The following FERMT2 variants were observed in gnomAD, a reference collection of about 807,000 sequenced individuals.
The protein encoded by FERMT2 is fermitin family homolog 2.
Under a neutral mutation model 82.7 loss-of-function variants are expected in FERMT2, and 15 were observed. The ratio of observed to expected loss-of-function variants is 0.18; its 90% CI spans 0.12 to 0.28. The LOEUF (loss-of-function observed/expected upper bound fraction) is 0.28, where lower values mean the gene tolerates loss of function less well. Among genes scored for constraint, FERMT2 ranks in the 10% least tolerant of loss-of-function variants. The pLI is 1.00. For synonymous variants in FERMT2, 274 were observed against 271.5 expected, an observed-to-expected ratio of 1.01 and a Z score of -0.09; for missense variants, 645 against 809.4, an observed-to-expected ratio of 0.80 and a Z score of 2.46.
intron 3 of FERMT2, among the ~76,000 whole-genome samples, chr14:52,912,218 C>T (rs965077990): frequency 2.0e-5 from 3 of 152,166 alleles, no homozygotes; most frequent in Non-Finnish European, 2.9e-5. Context: ...CATGTAAACA[C>T]GACTAGTCTA....
At chr14:52,922,952 A>G (rs1462355324) in intron 2 of FERMT2, among the ~76,000 whole-genome samples, 1 of 152,356 alleles carries the variant, frequency 6.6e-6, no homozygotes, top group East Asian at 1.9e-4. Flanking sequence ...AAACCTAGAC[A>G]GTATAGCCTA....
At chr14:52,901,300 A>AAG (rs1482817559) in intron 3 of FERMT2, among the ~76,000 whole-genome samples, 3 of 148,974 alleles carry the variant, frequency 2.0e-5, no homozygotes, top group East Asian at 3.9e-4. Context: ...AAAAAAAAAA[A>AAG]GCCCCAGCAT....
intron 3 of FERMT2, among the ~76,000 whole-genome samples, chr14:52,901,105 CAAAAA>C (rs71125146): frequency 5.8e-5 from 4 of 68,616 alleles, no homozygotes; most frequent in African/African-American, 2.0e-4. Flanking sequence ...ACTAAAAATA[CAAAAA>C]AAAAAAAAAA....
At chr14:52,908,660 G>T (rs755992592) in intron 3 of FERMT2, among the ~76,000 whole-genome samples, 5 of 152,288 alleles carry the variant, frequency 3.3e-5, no homozygotes, top group Non-Finnish European at 7.3e-5. Flanking sequence ...GGGTAAAGAG[G>T]ACTGCCAGCA....
intron 12 of FERMT2, 62 bp from the exon 13 acceptor site, chr14:52,860,527 CAA>C (rs1166428943): frequency 7.0e-7 from 1 of 1,434,404 alleles, no homozygotes; most frequent in Non-Finnish European, 9.5e-7. Context: ...AGAACTGAGA[CAA>C]AAGATCAAAA....
intron 2 of FERMT2, among the ~76,000 whole-genome samples, chr14:52,946,727 G>T (rs965041698): frequency 6.6e-6 from 1 of 151,734 alleles, no homozygotes; most frequent in African/African-American, 2.4e-5. Flanking sequence ...CGCTTAGGCT[G>T]GGTGGTGTGA....
Position 52,881,018 on chromosome 14 carries a change from C to A in FERMT2, c.855+18G>T. On this transcript the variant is annotated intron_variant, in intron 6 of 14. Transcript: ENST00000341590. ...AATTAATGGGGAAAAAAAAAAGATC[C>A]CTTTAAACCCTCGGTACCTTTGGAT... 6.6e-7 allele frequency: 1 copy of A among 1,511,586 alleles called. No homozygotes were observed. Among genetic ancestry groups the A allele is most frequent in the East Asian group, 2.3e-5 (1 of 44,390 alleles). The allele number at this position is 1,511,586 out of a possible 1,614,324, so 93.6% of individuals were successfully genotyped here. A position where few individuals can be genotyped will look rare whatever the true frequency, so the allele number is the denominator to read the frequency against.
chr14:52,914,213 T>C (rs971625418), intron 3 of FERMT2, among the ~76,000 whole-genome samples: 10 of 150,198 alleles, frequency 6.7e-5, no homozygotes, highest in Non-Finnish European at 1.3e-4. Context: ...AAAAAAAATA[T>C]ATAAAAATTA....
intron 3 of FERMT2, among the ~76,000 whole-genome samples, chr14:52,906,329 G>A (rs1469886608): frequency 6.6e-6 from 1 of 152,238 alleles, no homozygotes; most frequent in Non-Finnish European, 1.5e-5. Context: ...GAAAGACAGA[G>A]TACTGAGAAG....
chr14:52,896,907 G>C (rs1887288553), intron 3 of FERMT2, among the ~76,000 whole-genome samples: 1 of 151,754 alleles, frequency 6.6e-6, no homozygotes, highest in South Asian at 2.1e-4. Flanking sequence ...GAGGTGGGAA[G>C]ACTGCCTGAG....
At chr14:52,894,104 G>C (rs772524627) in intron 3 of FERMT2, among the ~76,000 whole-genome samples, 1 of 152,146 alleles carries the variant, frequency 6.6e-6, no homozygotes, top group African/African-American at 2.4e-5. Flanking sequence ...TGGGATTACC[G>C]GCGTGAGCCA....
chr14:52,942,899 T>A lies in FERMT2; in HGVS notation c.157+7513A>T, dbSNP rs150007367. Among the ~76,000 whole-genome samples the A allele has an allele frequency of 4.3e-3, 660 of 152,208 alleles. 3 individuals carry two copies. Among genetic ancestry groups the A allele is most frequent in the African/African-American group, 0.015 (633 of 41,502 alleles). Reference sequence around the variant, plus strand: ...TAAACTAAATTTTAAAAATAAAGTATGTGAAAAAGAACCTATAAAAATATC... The same window carrying A: ...TAAACTAAATTTTAAAAATAAAGTAAGTGAAAAAGAACCTATAAAAATATC... On this transcript the variant is annotated intron_variant, in intron 2 of 14. Transcript: ENST00000341590.
chr14:52,881,066 C>T lies in FERMT2; in HGVS notation c.825G>A (p.Lys275=), dbSNP rs775282056. 45 of 1,612,690 alleles carry T rather than the reference C, an allele frequency of 2.8e-5. 1 individual carries two copies. The highest frequency in any genetic ancestry group is 1.3e-4 in the Admixed American group (8 of 59,930). Residue 275 remains lysine (K), a synonymous_variant, in exon 6 of 15, where the codon AAG becomes AAA. Coordinates refer to ENST00000341590, the MANE Select transcript of FERMT2 (RefSeq NM_006832.3). The stretch of plus-strand genomic sequence containing the variant: ...GATTCAAATCAAAAAAGCTGTAATA[C>T]TTGAATCGGAGCAGCAAGGCCTCAT... ...KENEALLLRF[K]YYSFFDLNPK... is the part of the protein sequence containing the mutation.
At chr14:52,933,501 G>A (rs908353497) in intron 2 of FERMT2, among the ~76,000 whole-genome samples, 2 of 151,642 alleles carry the variant, frequency 1.3e-5, no homozygotes, top group African/African-American at 2.4e-5. Flanking sequence ...ACCTAAGGTC[G>A]GGAGTTCGAG....
At chr14:52,946,043 AT>A (rs1890339849) in intron 2 of FERMT2, among the ~76,000 whole-genome samples, 1 of 151,686 alleles carries the variant, frequency 6.6e-6, no homozygotes, top group African/African-American at 2.4e-5. Flanking sequence ...TACCCGGCTA[AT>A]TTTTGCATTT....
At chr14:52,941,842 CT>C (rs1444810883) in intron 2 of FERMT2, among the ~76,000 whole-genome samples, 1 of 152,132 alleles carries the variant, frequency 6.6e-6, no homozygotes, top group African/African-American at 2.4e-5. Flanking sequence ...ACTACTGATG[CT>C]TTCATGGTTT....
chr14:52,892,166 GTTTTTT>G (rs10547747), intron 4 of FERMT2, among the ~76,000 whole-genome samples: 93,571 of 128,892 alleles, frequency 0.73, 34,983 homozygotes, highest in Middle Eastern at 0.85. Context: ...GCTGTTTTTT[GTTTTTT>G]TTTTTTTTTT....
At chr14:52,929,154 C>T (rs1356866844) in intron 2 of FERMT2, among the ~76,000 whole-genome samples, 1 of 152,098 alleles carries the variant, frequency 6.6e-6, no homozygotes, top group Non-Finnish European at 1.5e-5. Flanking sequence ...TCTTATTATA[C>T]TAACTAGCAC....
chr14:52,906,000 G>A (rs1287234476), intron 3 of FERMT2, among the ~76,000 whole-genome samples: 1 of 152,114 alleles, frequency 6.6e-6, no homozygotes, highest in Non-Finnish European at 1.5e-5. Flanking sequence ...AGAAATAAAG[G>A]AAAAGAAAAA....
Sources: gnomAD v4.1 joint callset for allele counts (sites outside exome capture counted in the v4.1 genomes callset) on GRCh38, gnomAD v4.1.1 for gene constraint, MANE v1.5 for transcripts, NCBI Gene and HGNC (gene_info 2026-07-23, HGNC 2026-07-21) for gene names.